The following CAMK2D variants were observed in gnomAD, a reference collection of about 807,000 sequenced individuals.
The protein encoded by CAMK2D is calcium/calmodulin dependent protein kinase II delta, also known as calcium/calmodulin-dependent protein kinase type II subunit delta.
A neutral mutation model predicts 84.0 loss-of-function variants in CAMK2D; 37 were observed. The observed-to-expected ratio is 0.44, with a 90% CI of 0.34 to 0.58. The LOEUF (loss-of-function observed/expected upper bound fraction) is 0.58. CAMK2D is among the 20% of genes least tolerant of loss of function. CAMK2D has a pLI of 0.02. For synonymous variants in CAMK2D, 202 were observed against 212.5 expected (o/e 0.95, Z 0.43); for missense variants, 448 against 652.5 (o/e 0.69, Z 3.41).
Position 113,749,849 on chromosome 4 carries a change from G to A in CAMK2D, c.160+9471C>T, listed in dbSNP as rs576328169. 3.3e-5 allele frequency among the ~76,000 whole-genome samples: 5 copies of A among 152,230 alleles called. No homozygotes were observed. The South Asian group carries it at 1.0e-3, about 32-fold the overall frequency. ...TGACAAAACTTATGAAATAATTTGT[G>A]AATTACAAATTAATTTATAGAGTTA... On this transcript the variant is annotated intron_variant, in intron 2 of 20. Coordinates refer to ENST00000511664, the MANE Select transcript of CAMK2D (RefSeq NM_001321571.2).
chr4:113,713,072 T>C (rs538672035), intron 2 of CAMK2D, among the ~76,000 whole-genome samples: 2 of 152,060 alleles, frequency 1.3e-5, no homozygotes, highest in East Asian at 1.9e-4. Flanking sequence ...ATTTTAACCA[T>C]TGAATAATGT....
At chr4:113,609,104 G>T (rs376371472) in intron 4 of CAMK2D, 48 bp downstream of exon 4, 1 of 955,330 alleles carries the variant, frequency 1.0e-6, no homozygotes, top group Non-Finnish European at 1.7e-6. Context: ...AATTCAAAAC[G>T]GTCCTCAATT....
At chr4:113,739,930 T>C (rs72901789) in intron 2 of CAMK2D, among the ~76,000 whole-genome samples, 11,157 of 152,182 alleles carry the variant, frequency 0.073, 1,027 homozygotes, top group African/African-American at 0.21. Flanking sequence ...AGCAGTTTTT[T>C]AGCCCTTGAC....
chr4:113,702,572 AT>A (rs1400393601), intron 2 of CAMK2D, among the ~76,000 whole-genome samples: 1 of 152,188 alleles, frequency 6.6e-6, no homozygotes, highest in Non-Finnish European at 1.5e-5. Context: ...TTAATGGTAT[AT>A]TGTATTTAAT....
At chr4:113,715,228 T>C (rs1412275849) in intron 2 of CAMK2D, among the ~76,000 whole-genome samples, 1 of 152,122 alleles carries the variant, frequency 6.6e-6, no homozygotes, top group African/African-American at 2.4e-5. Context: ...ATATTGAAGA[T>C]TGCTCTGTAC....
chr4:113,580,266 T>C (rs1225737137), intron 4 of CAMK2D, among the ~76,000 whole-genome samples: 1 of 152,246 alleles, frequency 6.6e-6, no homozygotes, highest in Non-Finnish European at 1.5e-5. Flanking sequence ...ACTTTTGGGA[T>C]ATTCTGTTAT....
chr4:113,509,557 A>C (rs1361748842), intron 13 of CAMK2D, 81 bp downstream of exon 13: 12 of 907,490 alleles, frequency 1.3e-5, no homozygotes, highest in Non-Finnish European at 2.2e-5. Context: ...ACTTGCAAAG[A>C]CTTAGGAATT....
intron 8 of CAMK2D, among the ~76,000 whole-genome samples, chr4:113,530,044 C>G (rs75434544): frequency 0.061 from 9,343 of 152,276 alleles, 593 homozygotes; most frequent in East Asian, 0.21. Context: ...TCCATGTAAT[C>G]TTGCTGTAGA....
At chr4:113,499,026 C>A (rs927295231) in intron 16 of CAMK2D, among the ~76,000 whole-genome samples, 1 of 152,132 alleles carries the variant, frequency 6.6e-6, no homozygotes, top group African/African-American at 2.4e-5. Flanking sequence ...TTTTCTTAGT[C>A]TTGCTCAAGG....
chr4:113,521,238 A>AT (rs2098354749), intron 8 of CAMK2D, among the ~76,000 whole-genome samples: 1 of 152,070 alleles, frequency 6.6e-6, no homozygotes, highest in Admixed American at 6.5e-5. Flanking sequence ...TTGAATTTTG[A>AT]TTATCATTAT....
intron 10 of CAMK2D, 47 bp from the exon 11 acceptor site, chr4:113,513,960 A>G (rs1366518821): frequency 1.2e-6 from 1 of 854,564 alleles, no homozygotes; most frequent in African/African-American, 1.7e-5. Context: ...TATTTAAAAC[A>G]CACTAAGTAT....
intron 4 of CAMK2D, among the ~76,000 whole-genome samples, chr4:113,557,099 G>T (rs964565818): frequency 1.3e-5 from 2 of 151,994 alleles, no homozygotes; most frequent in Non-Finnish European, 2.9e-5. Context: ...TCCAAAACAG[G>T]ACTTGAATCA....
chr4:113,616,345 T>C (rs1182525861), intron 3 of CAMK2D, among the ~76,000 whole-genome samples: 1 of 152,160 alleles, frequency 6.6e-6, no homozygotes, highest in East Asian at 1.9e-4. Flanking sequence ...GTGACTATGG[T>C]CTCCATCCTT....
intron 3 of CAMK2D, among the ~76,000 whole-genome samples, chr4:113,655,096 T>C (rs192462877): frequency 4.6e-5 from 7 of 152,184 alleles, no homozygotes; most frequent in Non-Finnish European, 8.8e-5. Context: ...GTAAGATGCA[T>C]TACCTCATTC....
chr4:113,640,708 C>A (rs1396952645), intron 3 of CAMK2D, among the ~76,000 whole-genome samples: 1 of 152,140 alleles, frequency 6.6e-6, no homozygotes, highest in Non-Finnish European at 1.5e-5. Flanking sequence ...AGCCTGAAAG[C>A]AGACGCTTAG....
intron 2 of CAMK2D, among the ~76,000 whole-genome samples, chr4:113,715,367 T>C (rs150320943): frequency 0.011 from 1,644 of 152,220 alleles, 30 homozygotes; most frequent in African/African-American, 0.036. Flanking sequence ...TTTTTAAATA[T>C]TATTTTTTAG....
At chr4:113,600,113 G>A (rs1284542695) in intron 4 of CAMK2D, among the ~76,000 whole-genome samples, 2 of 152,170 alleles carry the variant, frequency 1.3e-5, no homozygotes, top group South Asian at 4.1e-4. Flanking sequence ...TAAAAGATTA[G>A]TGGTTGCCAG....
chr4:113,480,984 T>G (rs1160753872), intron 16 of CAMK2D, among the ~76,000 whole-genome samples: 1 of 152,198 alleles, frequency 6.6e-6, no homozygotes, highest in East Asian at 1.9e-4. Context: ...TCTTAGACTT[T>G]CCAGCCTCCA....
intron 6 of CAMK2D, 46 bp downstream of exon 6, chr4:113,547,598 A>G (rs1319550379): frequency 3.2e-6 from 4 of 1,249,478 alleles, no homozygotes; most frequent in Middle Eastern, 3.9e-4. Flanking sequence ...CTGAACAGTC[A>G]TTAGGAACTG....
Sources: allele counts gnomAD v4.1 joint callset (sites outside exome capture counted in the v4.1 genomes callset), GRCh38; gene constraint gnomAD v4.1.1; transcripts MANE v1.5; gene names NCBI Gene and HGNC (gene_info 2026-07-23, HGNC 2026-07-21).